The following CNTNAP4 variants were observed in gnomAD, a reference collection of about 807,000 sequenced individuals.
CNTNAP4 encodes contactin-associated protein-like 4.
A neutral mutation model predicts 148.4 loss-of-function variants in CNTNAP4; 98 were observed. The ratio of observed to expected loss-of-function variants is 0.66; its 90% CI spans 0.56 to 0.78. The LOEUF is 0.78. Ranked by LOEUF, CNTNAP4 falls within the 30% of genes least tolerant of loss-of-function variation. CNTNAP4 has a pLI of 0.00. For synonymous variants in CNTNAP4, 730 were observed against 565.1 expected, an observed-to-expected ratio of 1.29 and a Z score of -4.14; for missense variants, 1,935 against 1,565.6, an observed-to-expected ratio of 1.24 and a Z score of -3.98.
At chr16:76,502,362 C>T (rs1280482434) in intron 15 of CNTNAP4, among the ~76,000 whole-genome samples, 1 of 149,300 alleles carries the variant, frequency 6.7e-6, no homozygotes, top group East Asian at 2.0e-4. Flanking sequence ...GTTACAACGC[C>T]ATAGGTACTT....
chr16:76,503,200 T>A (rs1258192315), intron 15 of CNTNAP4, among the ~76,000 whole-genome samples: 2 of 152,186 alleles, frequency 1.3e-5, no homozygotes, highest in Non-Finnish European at 2.9e-5. Context: ...AAGTTCAGGA[T>A]AAAGGCAAGA....
chr16:76,398,985 A>T (rs1389052215), intron 3 of CNTNAP4, among the ~76,000 whole-genome samples: 4 of 151,966 alleles, frequency 2.6e-5, no homozygotes, highest in Non-Finnish European at 5.9e-5. Context: ...TTTTCCCCAT[A>T]CTGTTCTTGT....
chr16:76,375,196 T>C (rs377125572), intron 3 of CNTNAP4, among the ~76,000 whole-genome samples: 1 of 151,010 alleles, frequency 6.6e-6, no homozygotes, highest in East Asian at 2.0e-4. Flanking sequence ...TTGAGGCGGG[T>C]GGATAACTTG....
chr16:76,322,980 A>G (rs1341930134), intron 2 of CNTNAP4, among the ~76,000 whole-genome samples: 1 of 151,810 alleles, frequency 6.6e-6, no homozygotes, highest in Non-Finnish European at 1.5e-5. Flanking sequence ...GTGTACAGGC[A>G]CGCACCACCA....
intron 1 of CNTNAP4, among the ~76,000 whole-genome samples, chr16:76,312,162 A>C (rs1369633101): frequency 6.6e-6 from 1 of 152,204 alleles, no homozygotes; most frequent in Non-Finnish European, 1.5e-5. Context: ...ATTTGAGACC[A>C]GACCATTCTT....
chr16:76,296,183 G>A lies in CNTNAP4; in HGVS notation c.85+18436G>A, dbSNP rs142123812. ...GATACAAAATGTTTTCTAACATTAT[G>A]TATTGTTGCATTTTAATGAAATATT... is the stretch of plus-strand genomic sequence containing the variant. On this transcript the variant is annotated intron_variant, in intron 1 of 23. Transcript: ENST00000611870. Among the ~76,000 whole-genome samples the A allele has an allele frequency of 9.8e-5, 15 of 152,304 alleles. No individual in the cohort carries two copies. The East Asian group carries it at 2.9e-3, about 29-fold the overall frequency.
At chr16:76,392,505 A>G (rs1202245380) in intron 3 of CNTNAP4, among the ~76,000 whole-genome samples, 1 of 152,110 alleles carries the variant, frequency 6.6e-6, no homozygotes, top group Non-Finnish European at 1.5e-5. Context: ...CATTATATAT[A>G]TTTTTTTCAA....
intron 3 of CNTNAP4, among the ~76,000 whole-genome samples, chr16:76,424,782 A>T (rs889864643): frequency 6.6e-6 from 1 of 151,894 alleles, no homozygotes; most frequent in Non-Finnish European, 1.5e-5. Context: ...AAAAACAAAA[A>T]GACGTAAGCT....
intron 2 of CNTNAP4, among the ~76,000 whole-genome samples, chr16:76,327,661 G>A (rs1046925816): frequency 1.3e-5 from 2 of 152,178 alleles, no homozygotes; most frequent in Non-Finnish European, 2.9e-5. Flanking sequence ...TGGCTCCTCT[G>A]ATATTGATGG....
chr16:76,532,037 A>G (rs907981123), intron 17 of CNTNAP4, among the ~76,000 whole-genome samples: 7 of 152,006 alleles, frequency 4.6e-5, no homozygotes, highest in Admixed American at 6.6e-5. Flanking sequence ...TTTACTGTGT[A>G]TTTATTTTTA....
At chr16:76,365,787 G>A (rs2014050925) in intron 3 of CNTNAP4, among the ~76,000 whole-genome samples, 1 of 149,072 alleles carries the variant, frequency 6.7e-6, no homozygotes, top group African/African-American at 2.5e-5. Flanking sequence ...AGAATCATCT[G>A]GGTAATTACT....
In CNTNAP4 at chr16:76,342,681, C is replaced by T. The variant is rs191039639; in HGVS notation, c.197-12637C>T. Among the ~76,000 whole-genome samples the T allele has an allele frequency of 3.5e-3, 527 of 151,940 alleles. 5 individuals carry two copies. The highest frequency in any genetic ancestry group is 0.013 in the African/African-American group (519 of 41,452). ...TACTGGCGGGGTTTCACCGTATTAG[C>T]CAGGATGGTCTAGATCTCCTGACCT... On this transcript the variant is annotated intron_variant, in intron 2 of 23. Coordinates refer to ENST00000611870, the MANE Select transcript of CNTNAP4 (RefSeq NM_033401.5).
chr16:76,510,768 C>G (rs1473244685), intron 15 of CNTNAP4, among the ~76,000 whole-genome samples: 3 of 152,124 alleles, frequency 2.0e-5, no homozygotes, highest in African/African-American at 7.2e-5. Flanking sequence ...TTCTTTCAGA[C>G]TTGAAAGTGT....
rs905712007 is a variant in CNTNAP4 at position 76,449,602 on chromosome 16, G to A, written c.928-113G>A. 7 of 850,150 alleles carry A rather than the reference G, an allele frequency of 8.2e-6. No individual in the cohort carries two copies. The African/African-American group carries it at 1.1e-4, about 13-fold the overall frequency. The allele number at this position is 850,150 out of a possible 1,614,324, so 52.7% of individuals were successfully genotyped here. On this transcript the variant is annotated intron_variant, in intron 6 of 23. Coordinates refer to ENST00000611870, the MANE Select transcript of CNTNAP4 (RefSeq NM_033401.5). ...ATATCTTAATTTTTGTGTGTGTAGG[G>A]TTATGAAAAATTGATCTGTGTGTGA... is the stretch of plus-strand genomic sequence containing the variant.
intron 1 of CNTNAP4, among the ~76,000 whole-genome samples, chr16:76,309,610 T>A (rs1442466240): frequency 6.6e-6 from 1 of 152,208 alleles, no homozygotes; most frequent in Non-Finnish European, 1.5e-5. Flanking sequence ...TGAGGGAAGC[T>A]GTAAGTTATT....
At chr16:76,309,770 C>A in intron 1 of CNTNAP4, 1 of 687,502 alleles carries the variant, frequency 1.5e-6, no homozygotes, top group Non-Finnish European at 2.7e-6. Context: ...GTGGTCCGGG[C>A]TTTCCCGTGC....
At chr16:76,528,619 G>A (rs1433059984) in intron 17 of CNTNAP4, among the ~76,000 whole-genome samples, 6 of 152,096 alleles carry the variant, frequency 3.9e-5, no homozygotes, top group Non-Finnish European at 7.3e-5. Flanking sequence ...ATGAGACCAC[G>A]TGAAAGAATC....
intron 3 of CNTNAP4, among the ~76,000 whole-genome samples, chr16:76,383,928 T>C (rs1403026690): frequency 2.0e-5 from 3 of 152,220 alleles, no homozygotes; most frequent in African/African-American, 7.2e-5. Context: ...TTTGAAAATG[T>C]CCATAATAAA....
chr16:76,363,991 C>G (rs1332690893), intron 3 of CNTNAP4, among the ~76,000 whole-genome samples: 1 of 151,780 alleles, frequency 6.6e-6, no homozygotes, highest in African/African-American at 2.4e-5. Flanking sequence ...AATCCCAGCA[C>G]TTTGGGAGGC....
Sources: allele counts gnomAD v4.1 joint callset (sites outside exome capture counted in the v4.1 genomes callset), GRCh38; gene constraint gnomAD v4.1.1; transcripts MANE v1.5; gene names NCBI Gene and HGNC (gene_info 2026-07-23, HGNC 2026-07-21).